The following CFAP47 variants were observed in gnomAD, a reference collection of about 807,000 sequenced individuals.
CFAP47 encodes cilia and flagella associated protein 47.
CFAP47 carries 29 observed loss-of-function variants against 148.1 expected under a neutral mutation model. The observed-to-expected ratio is 0.20, with a 90% CI of 0.15 to 0.27. The LOEUF (loss-of-function observed/expected upper bound fraction) is 0.27. CFAP47 is among the 10% of genes least tolerant of loss of function. The pLI is 1.00. For synonymous variants in CFAP47, 664 were observed against 577.3 expected, an observed-to-expected ratio of 1.15 and a Z score of -2.15; for missense variants, 1,872 against 1,697.5, an observed-to-expected ratio of 1.10 and a Z score of -1.81.
At chrX:35,926,398 A>G (rs1935742551) in intron 2 of CFAP47, among the ~76,000 whole-genome samples, 1 of 111,960 alleles carries the variant, frequency 8.9e-6, no homozygotes. Context: ...ATTTTTGCAA[A>G]CTTGTATTCA....
intron 8 of CFAP47, among the ~76,000 whole-genome samples, chrX:35,957,370 TATC>T (rs767585750): frequency 3.6e-5 from 4 of 111,605 alleles, no homozygotes; most frequent in East Asian, 5.7e-4. Context: ...TTTCTTATGT[TATC>T]ATATTTCTTC....
At chrX:36,006,245 A>G (rs1427774760) in intron 21 of CFAP47, among the ~76,000 whole-genome samples, 1 of 110,979 alleles carries the variant, frequency 9.0e-6, no homozygotes, top group Non-Finnish European at 1.9e-5. Context: ...CTAGAAATTG[A>G]TCATAAAATT....
Position 36,235,943 on chromosome X carries a change from A to G in CFAP47, c.7024A>G (p.Thr2342Ala), listed in dbSNP as rs1445052021. The change falls in exon 47 of 64, where the codon ACA (threonine) becomes GCA (alanine). Residue 2342 changes from threonine to alanine, a missense_variant. Physicochemically the swap from Thr to Ala is moderately conservative, Grantham distance 58 (BLOSUM62 0). Transcript: ENST00000378653. ...LTQNIPIKNQ[T>A]NDKWTFQVTI... ...CTTTTTCATGCTTTAGAAAAATCAA[A>G]CAAACGATAAATGGACCTTTCAAGT... is the stretch of plus-strand genomic sequence containing the variant. 9 of 488,949 alleles carry G rather than the reference A, an allele frequency of 1.8e-5. No homozygotes were observed. The highest frequency in any genetic ancestry group is 2.9e-5 in the Non-Finnish European group (8 of 272,121). The allele number at this position is 488,949 out of a possible 1,213,427, so 40.3% of individuals were successfully genotyped here.
intron 49 of CFAP47, among the ~76,000 whole-genome samples, chrX:36,254,387 T>G (rs1555998662): frequency 1.8e-5 from 2 of 111,289 alleles, no homozygotes; most frequent in African/African-American, 6.5e-5. Flanking sequence ...GGTAGACATT[T>G]TAGGGCAGAG....
chrX:35,978,016 C>T (rs929493968), intron 15 of CFAP47, among the ~76,000 whole-genome samples: 6 of 111,868 alleles, frequency 5.4e-5, no homozygotes, highest in African/African-American at 1.9e-4. Flanking sequence ...TTCACTTGAC[C>T]GAGCTCTTTA....
chrX:36,020,412 G>A (rs1005012844), intron 22 of CFAP47, among the ~76,000 whole-genome samples: 7 of 111,782 alleles, frequency 6.3e-5, no homozygotes, highest in Non-Finnish European at 1.3e-4. Flanking sequence ...TGGGAGATCT[G>A]TCCAATGCTG....
At chrX:36,102,728 T>C (rs1054504150) in intron 32 of CFAP47, among the ~76,000 whole-genome samples, 13 of 111,928 alleles carry the variant, frequency 1.2e-4, no homozygotes, top group Admixed American at 1.9e-4. Context: ...TCAAGTAATT[T>C]ATCATTTGGT....
At chrX:36,228,397 G>A (rs1555991824) in intron 45 of CFAP47, among the ~76,000 whole-genome samples, 1 of 110,757 alleles carries the variant, frequency 9.0e-6, no homozygotes, top group Non-Finnish European at 1.9e-5. Context: ...ATGGAGTCCT[G>A]AGTGACTTTG....
chrX:36,287,772 G>A (rs929658070), intron 51 of CFAP47, among the ~76,000 whole-genome samples: 2 of 111,617 alleles, frequency 1.8e-5, no homozygotes, highest in East Asian at 5.6e-4. Flanking sequence ...CGTAATTGTC[G>A]AAGGTAAAAA....
chrX:36,006,272 A>G (rs868828039), intron 21 of CFAP47, among the ~76,000 whole-genome samples: 1 of 111,119 alleles, frequency 9.0e-6, no homozygotes, highest in Middle Eastern at 4.7e-3. Context: ...AATTATATAT[A>G]TTTAAATTTC....
At chrX:36,340,296 C>G (rs1293933849) in intron 57 of CFAP47, among the ~76,000 whole-genome samples, 3 of 111,616 alleles carry the variant, frequency 2.7e-5, no homozygotes, top group Non-Finnish European at 3.8e-5. Context: ...GTTAGAATCT[C>G]TGTAAGGAAA....
chrX:36,172,236 A>G (rs1360506139), intron 39 of CFAP47, among the ~76,000 whole-genome samples: 4 of 98,671 alleles, frequency 4.1e-5, no homozygotes, highest in African/African-American at 1.1e-4. Flanking sequence ...CAATCATGTC[A>G]TCTGCAAACA....
intron 48 of CFAP47, among the ~76,000 whole-genome samples, chrX:36,237,922 T>A (rs1195156164): frequency 9.0e-6 from 1 of 111,526 alleles, no homozygotes; most frequent in Non-Finnish European, 1.9e-5. Flanking sequence ...AGATTGCAAA[T>A]GGAATTAATA....
chrX:36,209,849 T>C (rs1166298988), intron 45 of CFAP47, among the ~76,000 whole-genome samples: 2 of 111,412 alleles, frequency 1.8e-5, no homozygotes, highest in African/African-American at 6.5e-5. Context: ...TTTAGAACAC[T>C]TTTATGGTCT....
At chrX:36,379,183 T>C (rs1942053690) in intron 62 of CFAP47, among the ~76,000 whole-genome samples, 167 bp from the exon 63 acceptor site, 1 of 112,294 alleles carries the variant, frequency 8.9e-6, no homozygotes, top group African/African-American at 3.2e-5. Flanking sequence ...AAGAATGACT[T>C]CAGTAATTTT....
chrX:36,280,461 G>A (rs782266193), intron 49 of CFAP47, 26 bp from the exon 50 acceptor site: 9 of 464,975 alleles, frequency 1.9e-5, no homozygotes, highest in Non-Finnish European at 3.4e-5. Context: ...CTGATTAATA[G>A]GGCATCTTGT....
intron 45 of CFAP47, among the ~76,000 whole-genome samples, chrX:36,205,997 C>T (rs1940034837): frequency 9.0e-6 from 1 of 111,616 alleles, no homozygotes; most frequent in Non-Finnish European, 1.9e-5. Context: ...TTTACTTTCC[C>T]TCCCTAGGAG....
At chrX:35,963,445 A>G (rs938184454) in intron 8 of CFAP47, among the ~76,000 whole-genome samples, 1 of 111,068 alleles carries the variant, frequency 9.0e-6, no homozygotes. Context: ...GGGGAAAGAA[A>G]TGTAAAGAAA....
chrX:36,022,101 T>A (rs1937166359), intron 22 of CFAP47: 1 of 111,436 alleles, frequency 9.0e-6, no homozygotes, highest in South Asian at 3.8e-4. Context: ...GACTTCTTAC[T>A]GCCAATTAAC....
Sources: allele counts gnomAD v4.1 joint callset (sites outside exome capture counted in the v4.1 genomes callset), GRCh38; gene constraint gnomAD v4.1.1; transcripts MANE v1.5; gene names NCBI Gene and HGNC (gene_info 2026-07-23, HGNC 2026-07-21).